Variants in COL26A1 observed in about 807,000 individuals in gnomAD.
COL26A1 encodes the protein collagen alpha-1(XXVI) chain.
In COL26A1, 41 loss-of-function variants were observed where a neutral mutation model predicts 59.3. The observed-to-expected ratio is 0.69, with a 90% CI of 0.54 to 0.90. The LOEUF is 0.90. COL26A1 is among the 40% of genes least tolerant of loss of function. COL26A1 has a pLI of 0.00. For missense variants in COL26A1, 612 were observed against 602.3 expected, an observed-to-expected ratio of 1.02 and a Z score of -0.17; for synonymous variants, 266 against 256.0, an observed-to-expected ratio of 1.04 and a Z score of -0.37.
At chr7:101,543,074 C>A (rs922993165) in intron 5 of COL26A1, among the ~76,000 whole-genome samples, 3 of 152,222 alleles carry the variant, frequency 2.0e-5, no homozygotes, top group Admixed American at 6.5e-5. Context: ...CCGAGGCCAG[C>A]AGCCCCCAGC....
chr7:101,526,311 A>G (rs1795247914), intron 3 of COL26A1, among the ~76,000 whole-genome samples: 2 of 152,114 alleles, frequency 1.3e-5, no homozygotes, highest in South Asian at 4.1e-4. Context: ...AACTGCCCAA[A>G]GTGCTGGGAT....
chr7:101,434,085 C>T (rs111596409), intron 2 of COL26A1, among the ~76,000 whole-genome samples: 2,770 of 20,620 alleles, frequency 0.13, 303 homozygotes, highest in African/African-American at 0.34. Context: ...TCCCTCCCTC[C>T]CTCCCTCTTT....
intron 1 of COL26A1, among the ~76,000 whole-genome samples, chr7:101,369,443 CTTTTTTTTTTTTTT>C (rs1210867917): frequency 1.3e-5 from 1 of 75,894 alleles, no homozygotes; most frequent in Non-Finnish European, 2.2e-5. Context: ...TAATCTGCAT[CTTTTTTTTTTTTTT>C]TTTTTTTTTG....
At chr7:101,442,449 ACT>A (rs1244066191) in intron 2 of COL26A1, among the ~76,000 whole-genome samples, 1 of 151,630 alleles carries the variant, frequency 6.6e-6, no homozygotes, top group Non-Finnish European at 1.5e-5. Flanking sequence ...GCTGCAGCAG[ACT>A]CTGTCTAAAA....
At chr7:101,434,564 ATTT>A in intron 2 of COL26A1, among the ~76,000 whole-genome samples, 2 of 149,004 alleles carry the variant, frequency 1.3e-5, no homozygotes, top group African/African-American at 4.9e-5. Flanking sequence ...GCCTGGCCTG[ATTT>A]TTTTTTTTTT....
chr7:101,538,613 G>C (rs533610108), intron 4 of COL26A1, among the ~76,000 whole-genome samples: 1 of 152,308 alleles, frequency 6.6e-6, no homozygotes, highest in Admixed American at 6.5e-5. Flanking sequence ...GGCCATCGGA[G>C]GACTGTGTCC....
intron 1 of COL26A1, among the ~76,000 whole-genome samples, chr7:101,384,432 T>G (rs149209725): frequency 0.057 from 8,717 of 152,010 alleles, 275 homozygotes; most frequent in Non-Finnish European, 0.076. Context: ...TTCACCATGT[T>G]GGACAGGCTG....
chr7:101,489,749 CTT>C (rs1794372657), intron 3 of COL26A1, among the ~76,000 whole-genome samples: 3 of 63,250 alleles, frequency 4.7e-5, no homozygotes, highest in African/African-American at 1.9e-4. Flanking sequence ...CTCTTTCTTT[CTT>C]GTCTCTCTTT....
rs200207754 is a variant in COL26A1 at position 101,545,441 on chromosome 7, C to G, written c.807C>G (p.Asn269Lys). The part of the protein sequence containing the change: ...GPAGNPGPSP[N>K]SPQGALYSLQ... ...CAGGCAACCCAGGCCCCTCACCAAACAGCCCCCAGGGCGCCCTCTACTCCC... is the reference window on the plus strand; with the variant it reads ...CAGGCAACCCAGGCCCCTCACCAAAGAGCCCCCAGGGCGCCCTCTACTCCC... The change falls in exon 7 of 13, where the codon AAC becomes AAG. Residue 269 changes from asparagine to lysine, a missense_variant. Physicochemically the swap from Asn to Lys is moderately conservative, Grantham distance 94. Coordinates refer to ENST00000313669, the MANE Select transcript of COL26A1 (RefSeq NM_001278563.3). 6.6e-3 allele frequency: 10,582 copies of G among 1,608,514 alleles called. 38 individuals carry two copies. Among genetic ancestry groups the G allele is most frequent in the Non-Finnish European group, 7.8e-3 (9,153 of 1,177,926 alleles).
chr7:101,553,495 GC>G, intron 11 of COL26A1, 119 bp downstream of exon 11: 1 of 932,486 alleles, frequency 1.1e-6, no homozygotes, highest in Non-Finnish European at 1.6e-6. Flanking sequence ...TGGGTGCTGG[GC>G]CACCGGGTGT....
chr7:101,520,212 A>G (rs1346415797), intron 3 of COL26A1, among the ~76,000 whole-genome samples: 2 of 152,094 alleles, frequency 1.3e-5, no homozygotes, highest in African/African-American at 4.8e-5. Context: ...GGAGCATCAT[A>G]AGCTGAAGAT....
chr7:101,400,851 G>A (rs1371923456), intron 1 of COL26A1, among the ~76,000 whole-genome samples: 1 of 152,190 alleles, frequency 6.6e-6, no homozygotes, highest in East Asian at 1.9e-4. Flanking sequence ...GAGCCACTGC[G>A]CCCGACCCAC....
chr7:101,450,080 T>C (rs931662011), intron 3 of COL26A1, among the ~76,000 whole-genome samples: 3 of 147,566 alleles, frequency 2.0e-5, no homozygotes, highest in Non-Finnish European at 4.4e-5. Flanking sequence ...GCCTAGATTG[T>C]GCCTCTGTAC....
At chr7:101,464,866 C>CA (rs1584431280) in intron 3 of COL26A1, among the ~76,000 whole-genome samples, 1 of 151,894 alleles carries the variant, frequency 6.6e-6, no homozygotes, top group East Asian at 1.9e-4. Flanking sequence ...TACACACCAC[C>CA]ATGCCCGGCT....
chr7:101,440,462 G>A (rs571733225), intron 2 of COL26A1, among the ~76,000 whole-genome samples: 17 of 152,268 alleles, frequency 1.1e-4, no homozygotes, highest in South Asian at 4.1e-4. Flanking sequence ...AGCCTCCCTC[G>A]GGTTTTTTTC....
chr7:101,557,478 T>C lies in COL26A1; in HGVS notation c.1274T>C (p.Leu425Pro), dbSNP rs769513897. The C allele has an allele frequency of 1.2e-6, 2 of 1,613,834 alleles. No homozygotes were observed. Among genetic ancestry groups the C allele is most frequent in the Non-Finnish European group, 1.7e-6 (2 of 1,179,826 alleles). Reference sequence around the variant, plus strand: ...CCCGATGGGGTCCTTGCTGCCCTGCTTGGGCCCGACCCTGGACAGAAGAGC... The same window carrying C: ...CCCGATGGGGTCCTTGCTGCCCTGCCTGGGCCCGACCCTGGACAGAAGAGC... ...AQPDGVLAAL[L>P]GPDPGQKSVD... is the part of the protein sequence containing the mutation. The change falls in exon 13 of 13, where the codon CTT becomes CCT. Residue 425 changes from leucine to proline, a missense_variant. Physicochemically the swap from Leu to Pro is moderately conservative, Grantham distance 98. Transcript: ENST00000313669.
intron 3 of COL26A1, among the ~76,000 whole-genome samples, chr7:101,505,412 C>A (rs747899233): frequency 2.0e-5 from 3 of 151,414 alleles, no homozygotes; most frequent in Non-Finnish European, 2.9e-5. Flanking sequence ...TGTGAATTTA[C>A]TTTGTTTTTG....
intron 1 of COL26A1, among the ~76,000 whole-genome samples, chr7:101,394,964 C>G (rs115856353): frequency 0.013 from 1,867 of 142,724 alleles, 33 homozygotes; most frequent in African/African-American, 0.046. Flanking sequence ...ACCTCTGCCT[C>G]CCAGGTTAAG....
At chr7:101,530,354 A>G (rs997175823) in intron 3 of COL26A1, among the ~76,000 whole-genome samples, 10 of 151,768 alleles carry the variant, frequency 6.6e-5, no homozygotes, top group African/African-American at 2.4e-4. Context: ...GGATCCCTTG[A>G]GGTCAGAAGT....
Sources: gnomAD v4.1 joint callset for allele counts (sites outside exome capture counted in the v4.1 genomes callset) on GRCh38, gnomAD v4.1.1 for gene constraint, MANE v1.5 for transcripts, NCBI Gene and HGNC (gene_info 2026-07-23, HGNC 2026-07-21) for gene names.